The following CASP10 variants were observed in gnomAD, a reference collection of about 807,000 sequenced individuals.
The protein encoded by CASP10 is caspase-10.
Under a neutral mutation model 48.5 loss-of-function variants are expected in CASP10, and 41 were observed. The observed-to-expected ratio is 0.85, with a 90% CI of 0.66 to 1.10. The LOEUF is 1.10. CASP10 is among the 50% of genes least tolerant of loss of function. The pLI, the probability that CASP10 is intolerant of heterozygous loss-of-function variation, is 0.00. For synonymous variants in CASP10, 232 were observed against 238.4 expected, an observed-to-expected ratio of 0.97 and a Z score of 0.25; for missense variants, 614 against 614.5, an observed-to-expected ratio of 1.00 and a Z score of 0.01.
downstream of CASP10, among the ~76,000 whole-genome samples, chr2:201,224,914 T>G (rs1006018677): frequency 3.9e-5 from 6 of 152,236 alleles, no homozygotes; most frequent in African/African-American, 1.4e-4. Flanking sequence ...TCTATTTTGC[T>G]ATGTATTTTC....
At chr2:201,216,200 TTTAAA>T (rs1945563316) in intron 9 of CASP10, among the ~76,000 whole-genome samples, 2 of 150,476 alleles carry the variant, frequency 1.3e-5, no homozygotes, top group African/African-American at 4.9e-5. Context: ...TTAAATAATA[TTTAAA>T]TTAATAAGAA....
Position 201,186,135 on chromosome 2 carries a change from G to C in CASP10, c.347+11G>C. ...GGTTTCTCTGTTTAGGTGAGGACGG[G>C]TCTGTGGTGGAGATGGGAGGATCTC... On this transcript the variant is annotated intron_variant, in intron 2 of 9. Coordinates refer to ENST00000286186, the MANE Select transcript of CASP10 (RefSeq NM_032977.4). 2 of 1,596,798 alleles carry C rather than the reference G, an allele frequency of 1.3e-6. No homozygotes were observed. Among genetic ancestry groups the C allele is most frequent in the Non-Finnish European group, 1.7e-6 (2 of 1,166,522 alleles).
intron 9 of CASP10, among the ~76,000 whole-genome samples, chr2:201,217,238 C>G (rs890596920): frequency 1.3e-5 from 2 of 152,084 alleles, no homozygotes; most frequent in Non-Finnish European, 2.9e-5. Context: ...TTTCTAAGAC[C>G]TGGTGTGTGG....
chr2:201,192,397 TAATA>T (rs1944641200), intron 3 of CASP10, among the ~76,000 whole-genome samples: 1 of 120,162 alleles, frequency 8.3e-6, no homozygotes, highest in South Asian at 2.4e-4. Flanking sequence ...CATCTCAAAA[TAATA>T]ATAATAATAA....
At chr2:201,229,386 C>T (rs1945832175) in exon 10 of CASP10, 2 of 458,268 alleles carry the variant, frequency 4.4e-6, no homozygotes, top group Non-Finnish European at 7.9e-6. Flanking sequence ...GAATTTCACA[C>T]TGTCCCCCAA....
intron 1 of CASP10, among the ~76,000 whole-genome samples, chr2:201,184,738 C>T (rs913391168): frequency 6.6e-6 from 1 of 152,192 alleles, no homozygotes; most frequent in Non-Finnish European, 1.5e-5. Flanking sequence ...AATTTTATCA[C>T]TGCATTGCTC....
chr2:201,226,044 A>G (rs1368056468), downstream of CASP10, among the ~76,000 whole-genome samples: 1 of 152,236 alleles, frequency 6.6e-6, no homozygotes, highest in Non-Finnish European at 1.5e-5. Context: ...TAACTGATAA[A>G]GGAGATATAT....
chr2:201,195,817 T>C lies in CASP10; in HGVS notation c.578-25T>C, dbSNP rs111519154. ...TGCTAGTCAGAAGGTGATTTTTATT[T>C]TTCTGTCTGTGATTTTATTTTCAGC... On this transcript the variant is annotated intron_variant, in intron 4 of 9. Transcript: ENST00000286186. 5.7e-5 allele frequency: 90 copies of C among 1,567,692 alleles called. 3 individuals carry two copies. The highest frequency in any genetic ancestry group is 5.7e-4 in the African/African-American group (42 of 74,104).
intron 3 of CASP10, among the ~76,000 whole-genome samples, chr2:201,189,233 A>G (rs1944522937): frequency 6.6e-6 from 1 of 151,088 alleles, no homozygotes; most frequent in Non-Finnish European, 1.5e-5. Context: ...CCAGTGATAC[A>G]GCTTATATGT....
chr2:201,217,662 A>T lies in CASP10; in HGVS notation c.1490A>T (p.Lys497Met). 1.2e-6 allele frequency: 2 copies of T among 1,614,214 alleles called. No individual in the cohort carries two copies. The highest frequency in any genetic ancestry group is 1.7e-6 in the Non-Finnish European group (2 of 1,180,040). ...CGAAGAGTGGACAAACAGGGAACAA[A>T]GAAACAGATGCCCCAGCCTGCTTTC... ...VSRRVDKQGT[K>M]KQMPQPAFTL... Residue 497 changes from lysine (K) to methionine (M), a missense_variant, in exon 10 of 10, where the codon AAG becomes ATG. Lys to Met is a moderately conservative substitution (Grantham distance 95). Transcript: ENST00000286186.
At chr2:201,203,455 C>T (rs1945092907) in intron 5 of CASP10, among the ~76,000 whole-genome samples, 2 of 151,972 alleles carry the variant, frequency 1.3e-5, no homozygotes, top group South Asian at 2.1e-4. Context: ...TACTGGCATG[C>T]GCTACCACAC....
intron 1 of CASP10, among the ~76,000 whole-genome samples, chr2:201,185,159 A>AT (rs1432875253): frequency 6.6e-6 from 1 of 151,938 alleles, no homozygotes; most frequent in Admixed American, 6.6e-5. Context: ...TGCCCTGATA[A>AT]TTTTTTGTAT....
intron 6 of CASP10, among the ~76,000 whole-genome samples, chr2:201,205,343 A>G (rs1945165630): frequency 6.6e-6 from 1 of 151,384 alleles, no homozygotes; most frequent in Non-Finnish European, 1.5e-5. Flanking sequence ...TCCCACCTCA[A>G]CGTCCCAGGA....
At chr2:201,213,662 G>T (rs1335305374) in intron 9 of CASP10, 1 of 152,200 alleles carries the variant, frequency 6.6e-6, no homozygotes, top group African/African-American at 2.4e-5. Context: ...GGATTCACTT[G>T]TAGTTTGAAT....
At chr2:201,185,659 A>G (rs1211666967) in intron 1 of CASP10, 112 bp from the exon 2 acceptor site, 16 of 762,568 alleles carry the variant, frequency 2.1e-5, no homozygotes, top group South Asian at 5.9e-5. Context: ...CACTTCTAGG[A>G]AAGTCTAATG....
At chr2:201,186,186 G>A in intron 2 of CASP10, 62 bp downstream of exon 2, 1 of 1,280,850 alleles carries the variant, frequency 7.8e-7, no homozygotes, top group Non-Finnish European at 1.1e-6. Context: ...TCTGGCCATT[G>A]GGCTTTGAAA....
intron 5 of CASP10, among the ~76,000 whole-genome samples, chr2:201,199,521 C>T (rs1399763282): frequency 6.7e-6 from 1 of 148,400 alleles, no homozygotes; most frequent in Non-Finnish European, 1.5e-5. Context: ...CAATATAATA[C>T]AATACAATAT....
Position 201,219,650 on chromosome 2 carries a change from A to G in CASP10, c.*1909A>G, listed in dbSNP as rs886055417. 2 of 984,468 alleles carry G rather than the reference A, an allele frequency of 2.0e-6. No homozygotes were observed. The highest frequency in any genetic ancestry group is 2.4e-6 in the Non-Finnish European group (2 of 829,866). The allele number at this position is 984,468 out of a possible 1,614,324, so 61.0% of individuals were successfully genotyped here. Reference sequence around the variant, plus strand: ...GCTTGCCTGAAGGGAGTGGCTCTGTAAGGACGCCTTGATGCTTTCTTCATT... The same window carrying G: ...GCTTGCCTGAAGGGAGTGGCTCTGTGAGGACGCCTTGATGCTTTCTTCATT... On this transcript the variant is annotated 3_prime_UTR_variant, in exon 10 of 10. Coordinates refer to ENST00000286186, the MANE Select transcript of CASP10 (RefSeq NM_032977.4).
In CASP10 at chr2:201,208,092, G is replaced by A; in HGVS notation, c.831G>A (p.Arg277=). 4 of 1,613,702 alleles carry A rather than the reference G, an allele frequency of 2.5e-6. No homozygotes were observed. Among genetic ancestry groups the A allele is most frequent in the Non-Finnish European group, 3.4e-6 (4 of 1,179,678 alleles). Residue 277 remains arginine, a synonymous_variant, in exon 8 of 10, where the codon AGG becomes AGA. Transcript: ENST00000286186. ...ETSTKRAAVY[R]MNRNHRGLCV... ...TCTTCAAGAGGGCAGCTGTGTACAG[G>A]ATGAATCGGAACCACAGAGGCCTCT...
Sources: gnomAD v4.1 joint callset for allele counts (sites outside exome capture counted in the v4.1 genomes callset) on GRCh38, gnomAD v4.1.1 for gene constraint, MANE v1.5 for transcripts, NCBI Gene and HGNC (gene_info 2026-07-23, HGNC 2026-07-21) for gene names.